The following FRMD5 variants were observed in gnomAD, a reference collection of about 807,000 sequenced individuals.
FRMD5 encodes FERM domain-containing protein 5.
FRMD5 carries 20 observed loss-of-function variants against 69.0 expected under a neutral mutation model. The ratio of observed to expected loss-of-function variants is 0.29; its 90% CI spans 0.20 to 0.42. The LOEUF is 0.42. Among genes scored for constraint, FRMD5 ranks in the 10% least tolerant of loss-of-function variants. The probability of loss-of-function intolerance (pLI) is 1.00; values close to 1 mark genes in which losing one functional copy is unlikely to be tolerated. For synonymous variants in FRMD5, 271 were observed against 260.1 expected, an observed-to-expected ratio of 1.04 and a Z score of -0.40; for missense variants, 595 against 708.6, an observed-to-expected ratio of 0.84 and a Z score of 1.82.
At chr15:43,900,517 C>A (rs2140395031) in intron 7 of FRMD5, among the ~76,000 whole-genome samples, 1 of 152,100 alleles carries the variant, frequency 6.6e-6, no homozygotes, top group South Asian at 2.1e-4. Context: ...TCAGGATGTT[C>A]TCAAGGTTCA....
intron 1 of FRMD5, among the ~76,000 whole-genome samples, chr15:44,188,736 A>G (rs1480938924): frequency 6.6e-6 from 1 of 152,126 alleles, no homozygotes; most frequent in African/African-American, 2.4e-5. Context: ...GTGACATAGT[A>G]AAATGACTCA....
At chr15:44,135,265 A>C (rs1434011299) in intron 1 of FRMD5, among the ~76,000 whole-genome samples, 1 of 152,228 alleles carries the variant, frequency 6.6e-6, no homozygotes, top group Non-Finnish European at 1.5e-5. Flanking sequence ...CTAAGTTTTC[A>C]CAAATGGAGA....
chr15:43,962,450 G>C (rs546238030), intron 1 of FRMD5, among the ~76,000 whole-genome samples: 8 of 152,318 alleles, frequency 5.3e-5, no homozygotes, highest in African/African-American at 1.9e-4. Context: ...TGGGTAGGAA[G>C]AATCAGTATC....
chr15:43,938,425 T>G (rs533016652), intron 1 of FRMD5, among the ~76,000 whole-genome samples: 1 of 152,298 alleles, frequency 6.6e-6, no homozygotes, highest in South Asian at 2.1e-4. Flanking sequence ...GCTGCCTTGC[T>G]CCAAAGCTCA....
At chr15:44,183,865 C>T (rs569655211) in intron 1 of FRMD5, among the ~76,000 whole-genome samples, 23 of 151,808 alleles carry the variant, frequency 1.5e-4, no homozygotes, top group African/African-American at 2.2e-4. Flanking sequence ...GCCTACAGTC[C>T]GAGCTACTGG....
At position 44,195,182 on chromosome 15, in the gene FRMD5, G is replaced by A; in HGVS notation, c.-128C>T. The A allele has an allele frequency of 1.5e-6, 1 of 654,812 alleles. No homozygotes were observed. The highest frequency in any genetic ancestry group is 2.5e-6 in the Non-Finnish European group (1 of 404,954). 40.6% of individuals were successfully genotyped at this position (654,812 alleles called of 1,614,324 possible). On this transcript the variant is annotated 5_prime_UTR_variant, in exon 1 of 14. Transcript: ENST00000417257. ...TCACCCCGGCCCCGTCGCTGCCGTT[G>A]CCTCCTGCTGGCCTCGTTCCTCCTC... is the stretch of plus-strand genomic sequence containing the variant.
At chr15:43,978,903 T>C (rs1433689065) in intron 1 of FRMD5, among the ~76,000 whole-genome samples, 1 of 152,164 alleles carries the variant, frequency 6.6e-6, no homozygotes, top group East Asian at 1.9e-4. Flanking sequence ...GTTGGATAAA[T>C]ATAGATTTTT....
At chr15:44,002,888 C>T (rs549167209) in intron 1 of FRMD5, among the ~76,000 whole-genome samples, 1 of 152,120 alleles carries the variant, frequency 6.6e-6, no homozygotes, top group African/African-American at 2.4e-5. Context: ...TAGTCTCCCC[C>T]CTTTCCATAC....
At chr15:44,148,298 G>A (rs1186424202) in intron 1 of FRMD5, among the ~76,000 whole-genome samples, 8 of 151,086 alleles carry the variant, frequency 5.3e-5, no homozygotes, top group Non-Finnish European at 1.2e-4. Context: ...TTGAGACGGA[G>A]TCTCGCTCTG....
At chr15:43,939,251 A>C (rs1483406016) in intron 1 of FRMD5, among the ~76,000 whole-genome samples, 1 of 152,134 alleles carries the variant, frequency 6.6e-6, no homozygotes, top group Admixed American at 6.5e-5. Context: ...ACCAATCCCA[A>C]ATCCCCCAGA....
chr15:44,086,753 T>C (rs1049709972), intron 1 of FRMD5, among the ~76,000 whole-genome samples: 2 of 152,200 alleles, frequency 1.3e-5, no homozygotes, highest in Non-Finnish European at 2.9e-5. Context: ...ATTGGCCTAC[T>C]GATAGAGTAC....
chr15:43,897,361 C>A (rs1232281966), intron 7 of FRMD5, among the ~76,000 whole-genome samples: 2 of 151,706 alleles, frequency 1.3e-5, no homozygotes, highest in Non-Finnish European at 2.9e-5. Context: ...GTAGTGTGCA[C>A]CTGTAATCTC....
At chr15:44,018,533 T>C (rs1216356193) in intron 1 of FRMD5, among the ~76,000 whole-genome samples, 1 of 152,170 alleles carries the variant, frequency 6.6e-6, no homozygotes, top group Non-Finnish European at 1.5e-5. Context: ...GCATAATCAT[T>C]AAAAATGTCC....
rs1232686706 is a variant in FRMD5, at chr15:43,892,089, C to G, written c.640-20G>C. On this transcript the variant is annotated intron_variant, in intron 7 of 13. Transcript: ENST00000417257. ...CACGTCCTGCAACACAGAAAGACTT[C>G]TCATCGGGTGATGCAGGCACAGAGG... 1.2e-6 allele frequency: 2 copies of G among 1,608,982 alleles called. No individual in the cohort carries two copies. The highest frequency in any genetic ancestry group is 1.7e-6 in the Non-Finnish European group (2 of 1,175,570).
At position 44,150,816 on chromosome 15, in the gene FRMD5, G is replaced by T. The variant is rs143646290; in HGVS notation, c.102+44137C>A. On this transcript the variant is annotated intron_variant, in intron 1 of 13. Transcript: ENST00000417257. ...GAAAATAAATAAATAAAGAGGCTGG[G>T]TGCCGTGGCCCACGTCTGTAATCCC... Among the ~76,000 whole-genome samples the T allele has an allele frequency of 3.1e-3, 478 of 152,102 alleles. 3 individuals are homozygous for T. The highest frequency in any genetic ancestry group is 0.011 in the African/African-American group (447 of 41,470).
chr15:44,119,249 T>G (rs2076912971), intron 1 of FRMD5, among the ~76,000 whole-genome samples: 1 of 152,166 alleles, frequency 6.6e-6, no homozygotes, highest in Non-Finnish European at 1.5e-5. Flanking sequence ...TGTGAGCCAC[T>G]GCACCTGGCC....
chr15:43,877,237 C>A (rs894277296), intron 13 of FRMD5, among the ~76,000 whole-genome samples: 1 of 152,202 alleles, frequency 6.6e-6, no homozygotes, highest in Admixed American at 6.5e-5. Context: ...CTGACAATCC[C>A]AGACTGAACC....
intron 1 of FRMD5, chr15:43,989,733 T>C (rs1889578740): frequency 9.9e-7 from 1 of 1,013,218 alleles, no homozygotes; most frequent in Admixed American, 1.7e-5. Flanking sequence ...TCCATCACGA[T>C]GTCAGTGGTA....
chr15:44,035,106 C>T (rs905039337), intron 1 of FRMD5, among the ~76,000 whole-genome samples: 1 of 152,140 alleles, frequency 6.6e-6, no homozygotes, highest in Non-Finnish European at 1.5e-5. Flanking sequence ...GCATATGCAG[C>T]AGTTTCCAGA....
Sources: gnomAD v4.1 joint callset for allele counts (sites outside exome capture counted in the v4.1 genomes callset) on GRCh38, gnomAD v4.1.1 for gene constraint, MANE v1.5 for transcripts, NCBI Gene and HGNC (gene_info 2026-07-23, HGNC 2026-07-21) for gene names.